Variants in JAKMIP2 observed in about 807,000 individuals in gnomAD.
The protein encoded by JAKMIP2 is janus kinase and microtubule-interacting protein 2.
In JAKMIP2, 25 loss-of-function variants were observed where a neutral mutation model predicts 115.0. The observed-to-expected ratio is 0.22, with a 90% CI of 0.16 to 0.30. The LOEUF is 0.30. JAKMIP2 is among the 10% of genes least tolerant of loss of function. JAKMIP2 has a pLI of 1.00. For missense variants in JAKMIP2, 642 were observed against 957.6 expected (o/e 0.67, Z 4.35); for synonymous variants, 334 against 343.6 (o/e 0.97, Z 0.31).
chr5:147,764,950 G>A (rs796473043), intron 1 of JAKMIP2, among the ~76,000 whole-genome samples: 62 of 70,714 alleles, frequency 8.8e-4, no homozygotes, highest in East Asian at 2.9e-3. Context: ...GAGAGAGGGA[G>A]AGAGAGAGAG....
intron 1 of JAKMIP2, among the ~76,000 whole-genome samples, chr5:147,734,280 A>C (rs112556528): frequency 1.3e-5 from 2 of 152,204 alleles, no homozygotes; most frequent in African/African-American, 4.8e-5. Context: ...GATGTGGAGA[A>C]ATAGGATGTG....
chr5:147,773,563 T>C (rs996873025), intron 1 of JAKMIP2, among the ~76,000 whole-genome samples: 1 of 152,162 alleles, frequency 6.6e-6, no homozygotes, highest in Non-Finnish European at 1.5e-5. Context: ...CTAAACCATG[T>C]AGGCTTGATT....
intron 1 of JAKMIP2, among the ~76,000 whole-genome samples, chr5:147,762,282 TA>T (rs749418251): frequency 6.6e-6 from 1 of 152,108 alleles, no homozygotes; most frequent in East Asian, 1.9e-4. Flanking sequence ...TGCAAACCCT[TA>T]TTTTTTTATA....
At chr5:147,655,294 A>G (rs978669596) in intron 3 of JAKMIP2, among the ~76,000 whole-genome samples, 2 of 152,010 alleles carry the variant, frequency 1.3e-5, no homozygotes, top group African/African-American at 4.8e-5. Flanking sequence ...TCCTCTTCGT[A>G]CCTCTGGTAG....
intron 21 of JAKMIP2, among the ~76,000 whole-genome samples, chr5:147,599,137 A>T (rs1393084361): frequency 6.6e-6 from 1 of 152,198 alleles, no homozygotes; most frequent in African/African-American, 2.4e-5. Context: ...AATTTAGTGT[A>T]ATTTTGAATT....
chr5:147,610,953 C>G (rs896044714), intron 20 of JAKMIP2, among the ~76,000 whole-genome samples: 1 of 152,164 alleles, frequency 6.6e-6, no homozygotes, highest in Non-Finnish European at 1.5e-5. Flanking sequence ...TCCACCTAGT[C>G]TGAACTTTCC....
intron 1 of JAKMIP2, among the ~76,000 whole-genome samples, chr5:147,750,674 C>T (rs751965143): frequency 1.3e-4 from 19 of 151,922 alleles, no homozygotes; most frequent in South Asian, 2.1e-4. Context: ...AAAATTTATA[C>T]GTTGAAGCCT....
At chr5:147,682,124 G>C (rs867119304) in intron 1 of JAKMIP2, among the ~76,000 whole-genome samples, 1 of 151,996 alleles carries the variant, frequency 6.6e-6, no homozygotes, top group Admixed American at 6.6e-5. Flanking sequence ...GTAAGCAAAG[G>C]GTTATGGTGG....
At chr5:147,671,161 A>T (rs1005860687) in intron 2 of JAKMIP2, among the ~76,000 whole-genome samples, 1 of 151,544 alleles carries the variant, frequency 6.6e-6, no homozygotes, top group African/African-American at 2.4e-5. Context: ...AATGATCGAG[A>T]GAGAGAAGTG....
chr5:147,605,824 T>C (rs1755979476), intron 20 of JAKMIP2, among the ~76,000 whole-genome samples: 1 of 152,244 alleles, frequency 6.6e-6, no homozygotes, highest in African/African-American at 2.4e-5. Context: ...TTCCTATTTC[T>C]CCACATCCTC....
chr5:147,764,948 G>GAAAGAAAAGAAAGAAAGAAAGAA (rs1755083719), intron 1 of JAKMIP2, among the ~76,000 whole-genome samples: 1 of 56,588 alleles, frequency 1.8e-5, no homozygotes. Context: ...GAGAGAGAGG[G>GAAAGAAAAGAAAGAAAGAAAGAA]AGAGAGAGAG....
At chr5:147,730,833 T>C (rs1056235520) in intron 1 of JAKMIP2, among the ~76,000 whole-genome samples, 1 of 152,144 alleles carries the variant, frequency 6.6e-6, no homozygotes, top group Admixed American at 6.6e-5. Flanking sequence ...TTGCTGTTGG[T>C]AATTTTCCTT....
At chr5:147,636,104 T>G (rs1419826701) in intron 12 of JAKMIP2, 118 bp downstream of exon 12, 1 of 738,558 alleles carries the variant, frequency 1.4e-6, no homozygotes, top group African/African-American at 1.8e-5. Flanking sequence ...GACAGAGCAG[T>G]GCCGGAAAAG....
chr5:147,767,047 G>C lies in JAKMIP2; in HGVS notation c.-149+15409C>G, dbSNP rs188562046. Among the ~76,000 whole-genome samples the C allele has an allele frequency of 9.9e-3, 1,505 of 151,964 alleles. 28 individuals are homozygous for C. The highest frequency in any genetic ancestry group is 0.034 in the African/African-American group (1,392 of 41,290). On this transcript the variant is annotated intron_variant, in intron 1 of 21. Coordinates refer to ENST00000616793, the MANE Select transcript of JAKMIP2 (RefSeq NM_001270941.2). Reference sequence around the variant, plus strand: ...AGGATGCAGTATCTGGGCTGCAGCAGAGAAAACAGTAGTCAATTCCTTTAT... The same window carrying C: ...AGGATGCAGTATCTGGGCTGCAGCACAGAAAACAGTAGTCAATTCCTTTAT...
rs184515951 is a variant in JAKMIP2 at position 147,778,090 on chromosome 5, A to G, written c.-149+4366T>C. 8.1e-3 allele frequency among the ~76,000 whole-genome samples: 1,227 copies of G among 152,198 alleles called. 15 individuals are homozygous for G. The highest frequency in any genetic ancestry group is 0.028 in the African/African-American group (1,154 of 41,532). On this transcript the variant is annotated intron_variant, in intron 1 of 21. Transcript: ENST00000616793. ...CAGGACCTACAGGAATTTTAATCAG[A>G]TCCTAAACACGGAAAAAAATGGTCA... is the stretch of plus-strand genomic sequence containing the variant.
chr5:147,631,882 T>C (rs1466876229), intron 13 of JAKMIP2, among the ~76,000 whole-genome samples: 1 of 152,182 alleles, frequency 6.6e-6, no homozygotes, highest in Non-Finnish European at 1.5e-5. Flanking sequence ...TCAAGCATTA[T>C]GAGAAAGATA....
intron 21 of JAKMIP2, among the ~76,000 whole-genome samples, chr5:147,595,889 A>T (rs1247667442): frequency 2.7e-5 from 4 of 150,902 alleles, no homozygotes; most frequent in East Asian, 3.9e-4. Flanking sequence ...GACATTAATT[A>T]AAAAAATGTG....
chr5:147,644,022 G>A (rs767709581), intron 7 of JAKMIP2, 36 bp downstream of exon 7: 1 of 1,469,506 alleles, frequency 6.8e-7, no homozygotes, highest in Non-Finnish European at 9.1e-7. Flanking sequence ...TTGTCCTTGG[G>A]AACAACTTAG....
chr5:147,642,661 G>T (rs1757935257), intron 7 of JAKMIP2, among the ~76,000 whole-genome samples: 1 of 150,692 alleles, frequency 6.6e-6, no homozygotes. Flanking sequence ...TGGTGTTCGG[G>T]CTTTTTTTTT....
Sources: allele counts gnomAD v4.1 joint callset (sites outside exome capture counted in the v4.1 genomes callset), GRCh38; gene constraint gnomAD v4.1.1; transcripts MANE v1.5; gene names NCBI Gene and HGNC (gene_info 2026-07-23, HGNC 2026-07-21).